MACROH2A1: variants seen among roughly 807,000 people sequenced by gnomAD.
MACROH2A1 encodes core histone macro-H2A.1.
MACROH2A1 carries 2 observed loss-of-function variants against 31.6 expected under a neutral mutation model. That is an observed-to-expected ratio of 0.06 (90% confidence interval 0.03 to 0.20). The LOEUF is 0.20. MACROH2A1 is among the 10% of genes least tolerant of loss of function. MACROH2A1 has a pLI of 1.00. For synonymous variants in MACROH2A1, 169 were observed against 189.6 expected (o/e 0.89, Z 0.89); for missense variants, 230 against 474.0 (o/e 0.49, Z 4.78).
Position 135,388,943 on chromosome 5 carries a change from C to T in MACROH2A1, c.151G>A (p.Ala51Thr), listed in dbSNP as rs1452678302. 1.2e-6 allele frequency: 2 copies of T among 1,607,202 alleles called. No individual in the cohort carries two copies. Among genetic ancestry groups the T allele is most frequent in the Non-Finnish European group, 1.7e-6 (2 of 1,174,612 alleles). The change falls in exon 2 of 9, where the codon GCC (alanine) becomes ACC (threonine). Residue 51 changes from alanine to threonine, a missense_variant. Ala to Thr is a moderately conservative substitution (Grantham distance 58). Transcript: ENST00000511689. ...IGVGAPVYMA[A>T]VLEYLTAEIL... The stretch of plus-strand genomic sequence containing the variant: ...TCACCTGTCAGGTATTCCAGGACGG[C>T]GGCCATGTACACGGGTGCCCCCACT...
chr5:135,367,984 G>C (rs1763730402), intron 4 of MACROH2A1, among the ~76,000 whole-genome samples: 1 of 152,124 alleles, frequency 6.6e-6, no homozygotes, highest in Non-Finnish European at 1.5e-5. Flanking sequence ...ATCCCTGCCT[G>C]GCCTCAAGCC....
chr5:135,373,450 G>A (rs1022040106), intron 2 of MACROH2A1, among the ~76,000 whole-genome samples: 1 of 152,146 alleles, frequency 6.6e-6, no homozygotes, highest in East Asian at 1.9e-4. Flanking sequence ...CCCTGGCTTC[G>A]CAAGCTTTAC....
At chr5:135,377,469 C>G (rs1198992549) in intron 2 of MACROH2A1, among the ~76,000 whole-genome samples, 1 of 152,180 alleles carries the variant, frequency 6.6e-6, no homozygotes, top group African/African-American at 2.4e-5. Context: ...ATTTAAGGAG[C>G]CCTGTCATGG....
intron 6 of MACROH2A1, among the ~76,000 whole-genome samples, chr5:135,350,362 C>T (rs1178015589): frequency 2.0e-5 from 3 of 152,036 alleles, no homozygotes. Flanking sequence ...TTTTCAGGAA[C>T]AAGTGTGCTT....
rs149603926 is a variant in MACROH2A1, at chr5:135,357,938, C to T, written c.588+2559G>A. On this transcript the variant is annotated intron_variant, in intron 5 of 8. Transcript: ENST00000511689. Reference sequence around the variant, plus strand: ...CTGTAGCATGCACAATATCACCTTTCTCCACCCCAGCTTGCTTGCAATCTT... The same window carrying T: ...CTGTAGCATGCACAATATCACCTTTTTCCACCCCAGCTTGCTTGCAATCTT... 1.0e-2 allele frequency: 9,831 copies of T among 985,268 alleles called. 59 individuals are homozygous for T. The highest frequency in any genetic ancestry group is 0.011 in the Non-Finnish European group (9,157 of 829,804). The allele number at this position is 985,268 out of a possible 1,614,324, so 61.0% of individuals were successfully genotyped here. A position where few individuals can be genotyped will look rare whatever the true frequency, so the allele number is the denominator to read the frequency against.
intron 6 of MACROH2A1, chr5:135,346,682 T>C (rs987193940): frequency 3.9e-5 from 6 of 152,268 alleles, no homozygotes; most frequent in African/African-American, 1.4e-4. Flanking sequence ...TGATTCAGAA[T>C]TGTTTTCAGT....
chr5:135,394,561 A>T (rs1330036855), intron 1 of MACROH2A1, among the ~76,000 whole-genome samples: 6 of 152,148 alleles, frequency 3.9e-5, no homozygotes, highest in African/African-American at 1.4e-4. Context: ...AATCTCCCTC[A>T]GGCTGCCCCT....
intron 2 of MACROH2A1, among the ~76,000 whole-genome samples, chr5:135,382,699 T>A (rs1268424736): frequency 1.3e-5 from 2 of 152,184 alleles, no homozygotes; most frequent in Non-Finnish European, 2.9e-5. Context: ...GTTAGGGGAA[T>A]GAGAAGACAA....
At chr5:135,370,425 G>A (rs1200533464) in intron 2 of MACROH2A1, among the ~76,000 whole-genome samples, 4 of 152,218 alleles carry the variant, frequency 2.6e-5, no homozygotes, top group African/African-American at 9.6e-5. Flanking sequence ...GGAGGGCTGA[G>A]ATCTGAACCC....
chr5:135,388,763 C>T (rs2149959607), intron 2 of MACROH2A1, among the ~76,000 whole-genome samples, 159 bp downstream of exon 2: 1 of 152,320 alleles, frequency 6.6e-6, no homozygotes, highest in Non-Finnish European at 1.5e-5. Flanking sequence ...ATGTTAACAA[C>T]TAGAGAATCT....
At chr5:135,338,834 C>T (rs948943218) in intron 8 of MACROH2A1, among the ~76,000 whole-genome samples, 3 of 152,228 alleles carry the variant, frequency 2.0e-5, no homozygotes, top group South Asian at 2.1e-4. Context: ...TAAGGGCTTC[C>T]ACTCTAGAGT....
chr5:135,371,050 T>C (rs1028693201), intron 2 of MACROH2A1, among the ~76,000 whole-genome samples: 1 of 152,248 alleles, frequency 6.6e-6, no homozygotes, highest in Non-Finnish European at 1.5e-5. Flanking sequence ...TTGTTAAATC[T>C]AGGTATATGA....
At chr5:135,353,227 C>T (rs1041979925) in intron 5 of MACROH2A1, 182 bp from the exon 6 acceptor site, 8 of 555,630 alleles carry the variant, frequency 1.4e-5, no homozygotes, top group Middle Eastern at 4.6e-4. Context: ...GCTCGGGATG[C>T]GGGAGCAAGC....
intron 8 of MACROH2A1, among the ~76,000 whole-genome samples, chr5:135,336,164 G>C (rs965241695): frequency 6.6e-6 from 1 of 152,214 alleles, no homozygotes; most frequent in Non-Finnish European, 1.5e-5. Context: ...CCTGCTGCCA[G>C]GTGGAGGGGT....
chr5:135,376,281 A>G (rs911872946), intron 2 of MACROH2A1, among the ~76,000 whole-genome samples: 2 of 152,178 alleles, frequency 1.3e-5, no homozygotes, highest in Non-Finnish European at 2.9e-5. Context: ...CAGAGACAGC[A>G]TTTGGTCCAG....
At chr5:135,335,947 C>T (rs1758582881) in intron 8 of MACROH2A1, among the ~76,000 whole-genome samples, 1 of 152,292 alleles carries the variant, frequency 6.6e-6, no homozygotes, top group Admixed American at 6.5e-5. Context: ...GGGTTTAGAG[C>T]CAGTGGCCCT....
At chr5:135,344,458 G>A (rs1414283620) in intron 7 of MACROH2A1, 1 of 152,112 alleles carries the variant, frequency 6.6e-6, no homozygotes, top group East Asian at 1.9e-4. Flanking sequence ...GCGATTTGTG[G>A]GTAGTGTCTC....
intron 6 of MACROH2A1, among the ~76,000 whole-genome samples, chr5:135,351,725 G>A (rs545318665): frequency 6.6e-6 from 1 of 151,358 alleles, no homozygotes; most frequent in African/African-American, 2.4e-5. Context: ...ACCAAGCCCA[G>A]CTAAGTTTTT....
At chr5:135,345,220 G>T (rs1561579711) in intron 7 of MACROH2A1, 1 of 152,158 alleles carries the variant, frequency 6.6e-6, no homozygotes, top group Non-Finnish European at 1.5e-5. Flanking sequence ...GAATAGAGGT[G>T]CACGGCCTGG....
Sources: gnomAD v4.1 joint callset for allele counts (sites outside exome capture counted in the v4.1 genomes callset) on GRCh38, gnomAD v4.1.1 for gene constraint, MANE v1.5 for transcripts, NCBI Gene and HGNC (gene_info 2026-07-23, HGNC 2026-07-21) for gene names.